RASGEF1B: variants seen among roughly 807,000 people sequenced by gnomAD.
RASGEF1B encodes RasGEF domain family member 1B, also known as ras-GEF domain-containing family member 1B.
Under a neutral mutation model 65.7 loss-of-function variants are expected in RASGEF1B, and 30 were observed. The ratio of observed to expected loss-of-function variants is 0.46; its 90% CI spans 0.34 to 0.62. The LOEUF (loss-of-function observed/expected upper bound fraction) is 0.62. Ranked by LOEUF, RASGEF1B falls within the 20% of genes least tolerant of loss-of-function variation. RASGEF1B has a pLI of 0.01. For missense variants in RASGEF1B, 495 were observed against 580.1 expected, an observed-to-expected ratio of 0.85 and a Z score of 1.51; for synonymous variants, 175 against 194.8, an observed-to-expected ratio of 0.90 and a Z score of 0.85.
chr4:81,454,470 G>T (rs181462527), intron 4 of RASGEF1B: 5 of 152,272 alleles, frequency 3.3e-5, no homozygotes, highest in Admixed American at 2.6e-4. Context: ...CTTCATACAA[G>T]AAAAAGCCCT....
intron 1 of RASGEF1B, among the ~76,000 whole-genome samples, chr4:81,465,346 C>T (rs892612189): frequency 2.0e-5 from 3 of 152,078 alleles, no homozygotes; most frequent in Admixed American, 6.5e-5. Flanking sequence ...CCATAATTAG[C>T]ATATAGATTA....
At chr4:81,466,770 A>AAAGG (rs3973161) in intron 1 of RASGEF1B, among the ~76,000 whole-genome samples, 1 of 36,100 alleles carries the variant, frequency 2.8e-5, no homozygotes, top group East Asian at 7.2e-4. Context: ...AAAAAAAAAA[A>AAAGG]AAAGAAAGAA....
intron 12 of RASGEF1B, among the ~76,000 whole-genome samples, chr4:81,433,229 A>G (rs548636866): frequency 8.5e-6 from 1 of 117,138 alleles, no homozygotes; most frequent in Non-Finnish European, 1.6e-5. Flanking sequence ...TTGCTGTCTT[A>G]AAAAAAAAAA....
At chr4:81,447,224 C>G (rs745429843) in intron 6 of RASGEF1B, among the ~76,000 whole-genome samples, 3 of 152,130 alleles carry the variant, frequency 2.0e-5, no homozygotes, top group African/African-American at 7.2e-5. Flanking sequence ...ATTTTCATCA[C>G]CACAAATGCC....
At chr4:81,464,030 A>G (rs1324841775) in intron 1 of RASGEF1B, among the ~76,000 whole-genome samples, 6 of 152,216 alleles carry the variant, frequency 3.9e-5, no homozygotes, top group East Asian at 1.9e-4. Flanking sequence ...CTCGTAACCC[A>G]TAACTTCCAT....
intron 1 of RASGEF1B, among the ~76,000 whole-genome samples, chr4:81,467,406 T>G (rs74805290): frequency 6.6e-6 from 1 of 152,152 alleles, no homozygotes; most frequent in Non-Finnish European, 1.5e-5. Context: ...AAACCACAAA[T>G]GACATTTCGG....
intron 10 of RASGEF1B, among the ~76,000 whole-genome samples, chr4:81,438,429 C>T (rs1207164531): frequency 3.3e-5 from 5 of 152,262 alleles, no homozygotes; most frequent in Admixed American, 6.5e-5. Context: ...GGATTACAGG[C>T]GTGGGCCACC....
At chr4:81,436,826 GT>G in intron 10 of RASGEF1B, among the ~76,000 whole-genome samples, 1 of 152,082 alleles carries the variant, frequency 6.6e-6, no homozygotes, top group East Asian at 1.9e-4. Context: ...TAAAAAACAA[GT>G]TTTGATTATT....
At chr4:81,435,623 C>G (rs1324019886) in intron 10 of RASGEF1B, among the ~76,000 whole-genome samples, 1 of 149,140 alleles carries the variant, frequency 6.7e-6, no homozygotes, top group Non-Finnish European at 1.5e-5. Context: ...AACCCACCAT[C>G]ATGCCCGGCT....
chr4:81,466,113 G>A (rs908545366), intron 1 of RASGEF1B, among the ~76,000 whole-genome samples: 2 of 152,094 alleles, frequency 1.3e-5, no homozygotes, highest in African/African-American at 4.8e-5. Context: ...GCTGAACTTT[G>A]AAAGCATATT....
intron 3 of RASGEF1B, 137 bp from the exon 4 acceptor site, chr4:81,456,925 C>T: frequency 6.9e-6 from 5 of 726,534 alleles, no homozygotes; most frequent in Non-Finnish European, 1.1e-5. Context: ...AGCCCCCCTC[C>T]CTCCATGTCA....
intron 12 of RASGEF1B, 118 bp downstream of exon 12, chr4:81,433,722 C>T (rs1366010911): frequency 1.5e-5 from 16 of 1,034,670 alleles, no homozygotes; most frequent in Non-Finnish European, 2.1e-5. Context: ...AAACTCTTAA[C>T]ATGGAACAGA....
intron 6 of RASGEF1B, among the ~76,000 whole-genome samples, chr4:81,446,308 G>A (rs908301216): frequency 1.3e-5 from 2 of 152,240 alleles, no homozygotes; most frequent in African/African-American, 4.8e-5. Flanking sequence ...CCCGGGAGGA[G>A]GTTGTAGTGA....
chr4:81,448,830 T>C (rs1184432969), intron 4 of RASGEF1B, among the ~76,000 whole-genome samples: 1 of 152,142 alleles, frequency 6.6e-6, no homozygotes, highest in Non-Finnish European at 1.5e-5. Context: ...TTTTGTTTTC[T>C]TTGAGATGGA....
At chr4:81,436,179 A>T (rs1269858073) in intron 10 of RASGEF1B, among the ~76,000 whole-genome samples, 1 of 152,016 alleles carries the variant, frequency 6.6e-6, no homozygotes, top group Non-Finnish European at 1.5e-5. Context: ...TTTTTTTTAG[A>T]TAAACATTTT....
At chr4:81,428,041 C>G (rs573034262) in intron 13 of RASGEF1B, among the ~76,000 whole-genome samples, 1 of 151,926 alleles carries the variant, frequency 6.6e-6, no homozygotes, top group African/African-American at 2.4e-5. Context: ...CTATATCTTG[C>G]GTAGGTTTAT....
chr4:81,448,846 A>G (rs1339320595), intron 4 of RASGEF1B, among the ~76,000 whole-genome samples: 1 of 152,012 alleles, frequency 6.6e-6, no homozygotes, highest in African/African-American at 2.4e-5. Flanking sequence ...ATGGAGTCTC[A>G]TTCTGTTGCC....
At chr4:81,447,855 C>T (rs1722090798) in intron 5 of RASGEF1B, among the ~76,000 whole-genome samples, 1 of 152,088 alleles carries the variant, frequency 6.6e-6, no homozygotes, top group African/African-American at 2.4e-5. Flanking sequence ...TGCTCTTCAG[C>T]CTTGTTTAGT....
chr4:81,459,457 G>C lies in RASGEF1B; in HGVS notation c.52C>G (p.Arg18Gly). 1 of 1,611,580 alleles carries C rather than the reference G, an allele frequency of 6.2e-7. No individual in the cohort carries two copies. Among genetic ancestry groups the C allele is most frequent in the African/African-American group, 1.3e-5 (1 of 74,922 alleles). Reference protein sequence around the residue: ...SAMFDSSGYNRNLYQSAEDSC... With the variant: ...SAMFDSSGYNGNLYQSAEDSC... Reference sequence around the variant, plus strand: ...TCCTCTGCAGACTGATAGAGGTTTCGATTGTAACCACTGCTGTCAAACATT... The same window carrying C: ...TCCTCTGCAGACTGATAGAGGTTTCCATTGTAACCACTGCTGTCAAACATT... Residue 18 changes from arginine to glycine, a missense_variant, in exon 2 of 14, where the codon CGA becomes GGA. Physicochemically the swap from Arg to Gly is moderately radical, Grantham distance 125. Coordinates refer to ENST00000264400, the MANE Select transcript of RASGEF1B (RefSeq NM_152545.3).
Sources: gnomAD v4.1 joint callset for allele counts (sites outside exome capture counted in the v4.1 genomes callset) on GRCh38, gnomAD v4.1.1 for gene constraint, MANE v1.5 for transcripts, NCBI Gene and HGNC (gene_info 2026-07-23, HGNC 2026-07-21) for gene names.